Variants in CLCA2 observed in about 807,000 individuals in gnomAD.
CLCA2 encodes the protein chloride channel accessory 2.
In CLCA2, 85 loss-of-function variants were observed where a neutral mutation model predicts 82.9. The observed-to-expected ratio is 1.03, with a 90% CI of 0.86 to 1.23. The LOEUF (loss-of-function observed/expected upper bound fraction) is 1.23. CLCA2 is among the 50% of genes most tolerant of loss of function. CLCA2 has a pLI of 0.00. For synonymous variants in CLCA2, 421 were observed against 391.7 expected (o/e 1.07, Z -0.88); for missense variants, 1,089 against 1,124.8 (o/e 0.97, Z 0.45).
At chr1:86,431,030 CTT>C (rs2101692587) in intron 4 of CLCA2, 60 bp downstream of exon 4, 3 of 1,190,698 alleles carry the variant, frequency 2.5e-6, no homozygotes, top group Non-Finnish European at 3.6e-6. Context: ...TTGCTTATAA[CTT>C]AAGCAATTAA....
Position 86,438,998 on chromosome 1 carries a change from C to T in CLCA2, c.1095C>T (p.His365=). The T allele has an allele frequency of 6.2e-7, 1 of 1,614,106 alleles. No individual in the cohort carries two copies. Among genetic ancestry groups the T allele is most frequent in the Middle Eastern group, 1.6e-4 (1 of 6,062 alleles). ...DSKGEIRAQL[H]QINSNDDRKL... ...AAGGAGAGATCAGAGCCCAGCTACA[C>T]CAAATTAACAGCAATGATGATCGAA... The change falls in exon 7 of 14, where the codon CAC becomes CAT. Residue 365 remains histidine, a synonymous_variant. Coordinates refer to ENST00000370565, the MANE Select transcript of CLCA2 (RefSeq NM_006536.7).
rs897705626 is a variant in CLCA2 at position 86,430,761 on chromosome 1, C to T, written c.476-101C>T. On this transcript the variant is annotated intron_variant, in intron 3 of 13. Transcript: ENST00000370565. ...AGTAACTTAAACTCTTTGGTCATTCCAAAGAGTATGTGTGGTCAAGAAATG... is the reference window on the plus strand; with the variant it reads ...AGTAACTTAAACTCTTTGGTCATTCTAAAGAGTATGTGTGGTCAAGAAATG... 5.8e-6 allele frequency: 5 copies of T among 865,276 alleles called. No homozygotes were observed. In the Admixed American group the frequency reaches 1.0e-4, roughly 18 times the overall value. 53.6% of individuals were successfully genotyped at this position (865,276 alleles called of 1,614,324 possible). A position where few individuals can be genotyped will look rare whatever the true frequency, so the allele number is the denominator to read the frequency against.
Position 86,455,127 on chromosome 1 carries a change from T to C in CLCA2, c.2432T>C (p.Ile811Thr). The change falls in exon 14 of 14, where the codon ATC (isoleucine) becomes ACC (threonine). Residue 811 changes from isoleucine (I) to threonine (T), a missense_variant. Ile to Thr is a moderately conservative substitution (Grantham distance 89). Transcript: ENST00000370565. Reference sequence around the variant, plus strand: ...AGAATGAGTAAAAGTCTACAGAATATCCAAGATGACTTTAACAATGCTATT... The same window carrying C: ...AGAATGAGTAAAAGTCTACAGAATACCCAAGATGACTTTAACAATGCTATT... ...EIRMSKSLQN[I>T]QDDFNNAILV... The C allele has an allele frequency of 6.2e-7, 1 of 1,605,126 alleles. No individual in the cohort carries two copies. Among genetic ancestry groups the C allele is most frequent in the African/African-American group, 1.3e-5 (1 of 74,806 alleles).
intron 9 of CLCA2, among the ~76,000 whole-genome samples, chr1:86,443,030 A>T (rs986007951): frequency 6.8e-6 from 1 of 146,920 alleles, no homozygotes; most frequent in Non-Finnish European, 1.5e-5. Flanking sequence ...TGGCTAAATA[A>T]TTTTTTTTTT....
At position 86,424,353 on chromosome 1, in the gene CLCA2, C is replaced by T; in HGVS notation, c.106C>T (p.Gln36Ter). Residue 36 changes from glutamine to a stop codon, truncating the protein, a stop_gained, in exon 1 of 14, where the codon CAA becomes TAA. Coordinates refer to ENST00000370565, the MANE Select transcript of CLCA2 (RefSeq NM_006536.7). LOFTEE classifies it high-confidence loss of function. ...LPFLGAGVQL[Q>*]DNGYNGLLIA... The stretch of plus-strand genomic sequence containing the variant: ...ATTCCTGGGAGCTGGAGTACAGCTT[C>T]AAGACAATGGGTATAATGGATTGCT... The T allele has an allele frequency of 6.2e-7, 1 of 1,613,918 alleles. No individual in the cohort carries two copies. Among genetic ancestry groups the T allele is most frequent in the Non-Finnish European group, 8.5e-7 (1 of 1,179,904 alleles).
At chr1:86,431,923 G>GTTGT (rs889433695) in intron 4 of CLCA2, among the ~76,000 whole-genome samples, 1 of 151,960 alleles carries the variant, frequency 6.6e-6, no homozygotes, top group African/African-American at 2.4e-5. Flanking sequence ...GTTTGTTTTT[G>GTTGT]TTGTTTGTTT....
chr1:86,451,202 G>T (rs894025153), intron 12 of CLCA2, among the ~76,000 whole-genome samples: 6 of 152,166 alleles, frequency 3.9e-5, no homozygotes, highest in African/African-American at 1.4e-4. Context: ...GATTCCTGAA[G>T]ATGTTTTGCT....
At chr1:86,452,833 G>A (rs1321065521) in intron 12 of CLCA2, among the ~76,000 whole-genome samples, 2 of 152,046 alleles carry the variant, frequency 1.3e-5, no homozygotes, top group African/African-American at 4.8e-5. Flanking sequence ...AATTCCATGA[G>A]GGATACTGTT....
chr1:86,436,357 C>T (rs1662609457), intron 6 of CLCA2, among the ~76,000 whole-genome samples: 1 of 152,220 alleles, frequency 6.6e-6, no homozygotes, highest in Non-Finnish European at 1.5e-5. Context: ...GCCTGCCTGC[C>T]TTCCTCCCTC....
rs758403553 is a variant in CLCA2, at chr1:86,450,684, C to T, written c.2106C>T (p.His702=). The T allele has an allele frequency of 1.2e-6, 2 of 1,613,036 alleles. No homozygotes were observed. The highest frequency in any genetic ancestry group is 2.2e-5 in the East Asian group (1 of 44,864). The part of the protein sequence containing the change: ...NHSPSISTPA[H]SIPGSHAMYV... ...CTCCCAGCATAAGCACCCCAGCCCA[C>T]TCTATTCCAGGGAGTCATGCTATGT... The change falls in exon 12 of 14, where the codon CAC becomes CAT. Residue 702 remains histidine, a synonymous_variant. Coordinates refer to ENST00000370565, the MANE Select transcript of CLCA2 (RefSeq NM_006536.7).
chr1:86,440,197 T>C lies in CLCA2; in HGVS notation c.1253T>C (p.Val418Ala), dbSNP rs1190562169. The C allele has an allele frequency of 6.2e-7, 1 of 1,614,166 alleles. No homozygotes were observed. Among genetic ancestry groups the C allele is most frequent in the Non-Finnish European group, 8.5e-7 (1 of 1,179,988 alleles). The stretch of plus-strand genomic sequence containing the variant: ...GCTTATGGCTCTGTGATGATATTAG[T>C]GACCAGCGGAGATGATAAGCTTCTT... ...GKAYGSVMIL[V>A]TSGDDKLLGN... The change falls in exon 8 of 14, where the codon GTG becomes GCG. Residue 418 changes from valine (V) to alanine (A), a missense_variant. By Grantham distance (64) the Val-to-Ala change is moderately conservative. Coordinates refer to ENST00000370565, the MANE Select transcript of CLCA2 (RefSeq NM_006536.7).
At chr1:86,447,163 G>T (rs1485075078) in intron 10 of CLCA2, among the ~76,000 whole-genome samples, 1 of 152,034 alleles carries the variant, frequency 6.6e-6, no homozygotes, top group Admixed American at 6.5e-5. Flanking sequence ...TTGGGGAAGG[G>T]GCTCAGATTA....
Position 86,453,474 on chromosome 1 carries a change from G to C in CLCA2, c.2261G>C (p.Gly754Ala). The change falls in exon 13 of 14, where the codon GGA becomes GCA. Residue 754 changes from glycine to alanine, a missense_variant. By Grantham distance (60) the Gly-to-Ala change is moderately conservative. Transcript: ENST00000370565. ...VSSGGSFSVLGVPAGPHPDVF... is the reference protein window; with the variant it reads ...VSSGGSFSVLAVPAGPHPDVF... ...TCAGGAGGCTCCTTTTCAGTGCTGG[G>C]AGTTCCAGCTGGCCCCCACCCTGAT... The C allele has an allele frequency of 1.2e-6, 2 of 1,614,158 alleles. No individual in the cohort carries two copies. The highest frequency in any genetic ancestry group is 2.2e-5 in the South Asian group (2 of 91,086).
intron 9 of CLCA2, among the ~76,000 whole-genome samples, chr1:86,442,852 T>A (rs1185534316): frequency 6.6e-6 from 1 of 152,200 alleles, no homozygotes; most frequent in Non-Finnish European, 1.5e-5. Flanking sequence ...AAATTACTTC[T>A]CTAAGCCTAC....
chr1:86,454,649 G>T (rs549210183), intron 13 of CLCA2, among the ~76,000 whole-genome samples: 31 of 152,050 alleles, frequency 2.0e-4, no homozygotes, highest in Middle Eastern at 3.4e-3. Context: ...AAAATAAGCC[G>T]GGCATGGTGG....
intron 2 of CLCA2, among the ~76,000 whole-genome samples, chr1:86,426,108 C>T (rs1268423145): frequency 1.3e-5 from 2 of 151,922 alleles, no homozygotes; most frequent in Admixed American, 1.3e-4. Context: ...GATTAAGCAC[C>T]CATGATGATG....
intron 2 of CLCA2, among the ~76,000 whole-genome samples, chr1:86,427,036 C>G (rs1372379476): frequency 2.0e-5 from 3 of 152,088 alleles, no homozygotes; most frequent in African/African-American, 7.2e-5. Flanking sequence ...GTCAATTAAG[C>G]AAACAGTGAA....
intron 9 of CLCA2, among the ~76,000 whole-genome samples, chr1:86,443,560 G>T (rs1436650598): frequency 6.6e-6 from 1 of 152,180 alleles, no homozygotes; most frequent in Non-Finnish European, 1.5e-5. Context: ...ATAATGAAAT[G>T]ACACTTGCAT....
chr1:86,437,049 A>C (rs550820709), intron 6 of CLCA2, among the ~76,000 whole-genome samples: 1 of 152,310 alleles, frequency 6.6e-6, no homozygotes, highest in African/African-American at 2.4e-5. Flanking sequence ...AGAGTAATTT[A>C]TATTGGCTAT....
Sources: allele counts gnomAD v4.1 joint callset (sites outside exome capture counted in the v4.1 genomes callset), GRCh38; gene constraint gnomAD v4.1.1; transcripts MANE v1.5; gene names NCBI Gene and HGNC (gene_info 2026-07-23, HGNC 2026-07-21).